SRBD1: variants seen among roughly 807,000 people sequenced by gnomAD.
SRBD1 encodes the protein S1 RNA-binding domain-containing protein 1.
A neutral mutation model predicts 115.3 loss-of-function variants in SRBD1; 88 were observed. That is an observed-to-expected ratio of 0.76 (90% CI 0.64 to 0.91). SRBD1 has a LOEUF of 0.91. SRBD1 is among the 40% of genes least tolerant of loss of function. The pLI is 0.00. For synonymous variants in SRBD1, 509 were observed against 407.7 expected (o/e 1.25, Z -2.99); for missense variants, 1,385 against 1,177.4 (o/e 1.18, Z -2.58).
intron 16 of SRBD1, among the ~76,000 whole-genome samples, chr2:45,428,150 C>T (rs541535309): frequency 2.0e-5 from 3 of 152,232 alleles, no homozygotes; most frequent in Admixed American, 6.5e-5. Flanking sequence ...AACAAACAGT[C>T]TCTCAGACTA....
intron 16 of SRBD1, among the ~76,000 whole-genome samples, chr2:45,442,049 G>C (rs762588883): frequency 2.0e-5 from 3 of 152,142 alleles, no homozygotes; most frequent in East Asian, 1.9e-4. Flanking sequence ...CAAAACTTAA[G>C]CTTCTGTCGC....
chr2:45,471,156 A>G (rs1669637396), intron 16 of SRBD1, among the ~76,000 whole-genome samples: 1 of 152,212 alleles, frequency 6.6e-6, no homozygotes, highest in African/African-American at 2.4e-5. Context: ...TAATGGCTAT[A>G]CATTTTACAA....
chr2:45,415,685 ACGG>A (rs1667803707), intron 18 of SRBD1, among the ~76,000 whole-genome samples: 1 of 19,180 alleles, frequency 5.2e-5, no homozygotes, highest in African/African-American at 1.6e-4. Context: ...AGGGGAGGGG[ACGG>A]GAGAGGAGAG....
intron 1 of SRBD1, among the ~76,000 whole-genome samples, chr2:45,609,753 G>T (rs185870027): frequency 2.0e-5 from 3 of 152,180 alleles, no homozygotes; most frequent in East Asian, 3.9e-4. Flanking sequence ...CCTAAAATAG[G>T]TTTCTCAATT....
chr2:45,464,337 T>A (rs553303406), intron 16 of SRBD1, among the ~76,000 whole-genome samples: 1 of 152,204 alleles, frequency 6.6e-6, no homozygotes, highest in Admixed American at 6.5e-5. Flanking sequence ...AGATGAGGTA[T>A]GCAAGATAGC....
chr2:45,446,985 C>T (rs1439875848), intron 16 of SRBD1, among the ~76,000 whole-genome samples: 1 of 152,166 alleles, frequency 6.6e-6, no homozygotes, highest in East Asian at 1.9e-4. Context: ...AACAGTCATC[C>T]ATCAGTGGCA....
At chr2:45,487,882 G>A (rs1670168299) in intron 15 of SRBD1, among the ~76,000 whole-genome samples, 1 of 152,042 alleles carries the variant, frequency 6.6e-6, no homozygotes, top group Non-Finnish European at 1.5e-5. Context: ...TTGAACTCCT[G>A]ACCTCGTGAT....
intron 16 of SRBD1, among the ~76,000 whole-genome samples, chr2:45,444,586 A>G (rs1048482304): frequency 3.9e-4 from 59 of 152,342 alleles, no homozygotes; most frequent in African/African-American, 1.3e-3. Flanking sequence ...AAAAATCAAA[A>G]TATGCAAATA....
chr2:45,399,077 G>GA lies in SRBD1; in HGVS notation c.2514-5949dup, dbSNP rs60339334. Reference sequence around the variant, plus strand: ...CCATTACCCTCCCAAAAGAGAACCAGAAAAAAAAAAATCAACAACCCAGTA... The same window carrying GA: ...CCATTACCCTCCCAAAAGAGAACCAGAAAAAAAAAAAATCAACAACCCAGTA... On this transcript the variant is annotated intron_variant, in intron 19 of 20. Coordinates refer to ENST00000263736, the MANE Select transcript of SRBD1 (RefSeq NM_018079.5). 7.9e-3 allele frequency among the ~76,000 whole-genome samples: 1,147 copies of GA among 145,884 alleles called. 15 individuals carry two copies. The highest frequency in any genetic ancestry group is 0.025 in the African/African-American group (1,002 of 39,990).
At chr2:45,425,635 T>C (rs910682945) in intron 16 of SRBD1, among the ~76,000 whole-genome samples, 8 of 151,988 alleles carry the variant, frequency 5.3e-5, no homozygotes, top group African/African-American at 1.9e-4. Flanking sequence ...TCATTGGGAC[T>C]GGTTAGACAG....
rs981394486 is a variant in SRBD1, at chr2:45,468,303, G to A, written c.2049+8690C>T. 2.0e-5 allele frequency among the ~76,000 whole-genome samples: 3 copies of A among 151,356 alleles called. No individual in the cohort carries two copies. In the East Asian group the frequency reaches 5.8e-4, roughly 29 times the overall value. ...GCTCTATCTGTTCTTTCACAGTCTT[G>A]ACTTTACTAGTGTATCTTTCCAGTT... On this transcript the variant is annotated intron_variant, in intron 16 of 20. Transcript: ENST00000263736.
chr2:45,610,173 G>A (rs1239872595), intron 1 of SRBD1, among the ~76,000 whole-genome samples: 1 of 152,130 alleles, frequency 6.6e-6, no homozygotes, highest in Non-Finnish European at 1.5e-5. Context: ...TAATTTGGAG[G>A]TTGCTATGAT....
chr2:45,581,522 C>CAA (rs5830864), intron 6 of SRBD1, among the ~76,000 whole-genome samples, 171 bp downstream of exon 6: 13,304 of 151,134 alleles, frequency 0.088, 1,068 homozygotes, highest in African/African-American at 0.22. Flanking sequence ...GTGCCTAGCA[C>CAA]AAAAAAAACA....
intron 16 of SRBD1, among the ~76,000 whole-genome samples, chr2:45,463,017 C>CGGG (rs11470984): frequency 1.7e-5 from 2 of 116,338 alleles, no homozygotes; most frequent in South Asian, 3.1e-4. Flanking sequence ...GAGAATAACC[C>CGGG]GGGGGGGGGG....
rs540155561 is a variant in SRBD1 at position 45,602,013 on chromosome 2, G to A, written c.151C>T (p.Arg51Cys). 90 of 1,614,140 alleles carry A rather than the reference G, an allele frequency of 5.6e-5. 2 individuals are homozygous for A. The South Asian group carries it at 8.7e-4, about 16-fold the overall frequency. ...WEPQKKVPRS[R>C]KQPPPKESKP... ...GATTCCTTGGGAGGGGGCTGTTTAC[G>A]GCTTCTGGGAACTTTCTTTTGGGGC... Residue 51 changes from arginine to cysteine, a missense_variant, in exon 3 of 21, where the codon CGT (arginine) becomes TGT (cysteine). Transcript: ENST00000263736.
chr2:45,480,231 G>T (rs866647685), intron 15 of SRBD1, among the ~76,000 whole-genome samples: 56 of 152,218 alleles, frequency 3.7e-4, no homozygotes, highest in African/African-American at 1.3e-3. Flanking sequence ...GAGTAATTTT[G>T]ACTTTCAAGT....
chr2:45,473,576 C>T (rs1036626807), intron 16 of SRBD1, among the ~76,000 whole-genome samples: 17 of 152,140 alleles, frequency 1.1e-4, no homozygotes, highest in African/African-American at 4.1e-4. Context: ...TGATGGTTTG[C>T]CTGATTTAGA....
At chr2:45,473,429 T>C (rs1381334184) in intron 16 of SRBD1, among the ~76,000 whole-genome samples, 1 of 152,216 alleles carries the variant, frequency 6.6e-6, no homozygotes, top group Non-Finnish European at 1.5e-5. Flanking sequence ...GTGTACATGT[T>C]TCCCATGTTA....
intron 14 of SRBD1, among the ~76,000 whole-genome samples, chr2:45,535,302 AC>A (rs199917492): frequency 1.3e-5 from 2 of 151,558 alleles, no homozygotes; most frequent in Admixed American, 1.3e-4. Context: ...AGATGTTTCT[AC>A]CAGTCTAATT....
Sources: allele counts gnomAD v4.1 joint callset (sites outside exome capture counted in the v4.1 genomes callset), GRCh38; gene constraint gnomAD v4.1.1; transcripts MANE v1.5; gene names NCBI Gene and HGNC (gene_info 2026-07-23, HGNC 2026-07-21).